Variants in HIP1 observed in about 807,000 individuals in gnomAD.
The protein encoded by HIP1 is huntingtin interacting protein 1.
A neutral mutation model predicts 147.6 loss-of-function variants in HIP1; 65 were observed. The observed-to-expected ratio is 0.44, with a 90% CI of 0.36 to 0.54. The LOEUF (loss-of-function observed/expected upper bound fraction) is 0.54, where lower values mean the gene tolerates loss of function less well. Ranked by LOEUF, HIP1 falls within the 20% of genes least tolerant of loss-of-function variation. The pLI is 0.00. For synonymous variants in HIP1, 479 were observed against 504.0 expected, an observed-to-expected ratio of 0.95 and a Z score of 0.67; for missense variants, 1,061 against 1,299.6, an observed-to-expected ratio of 0.82 and a Z score of 2.82.
intron 2 of HIP1, 137 bp from the exon 3 acceptor site, chr7:75,592,651 G>A: frequency 1.1e-6 from 1 of 883,774 alleles, no homozygotes; most frequent in Non-Finnish European, 1.7e-6. Flanking sequence ...AGCCACTGCA[G>A]GGGACCAAGC....
At chr7:75,670,123 A>G (rs1193328300) in intron 1 of HIP1, among the ~76,000 whole-genome samples, 3 of 29,544 alleles carry the variant, frequency 1.0e-4, no homozygotes, top group African/African-American at 6.1e-4. Context: ...TATTGTGATA[A>G]AATATACATA....
intron 11 of HIP1, 130 bp from the exon 12 acceptor site, chr7:75,562,300 AT>A: frequency 3.2e-6 from 2 of 626,134 alleles, no homozygotes; most frequent in Non-Finnish European, 5.7e-6. Flanking sequence ...AATTTTTTTA[AT>A]TTTTTTGAGA....
At chr7:75,572,662 T>C (rs587605669) in intron 8 of HIP1, among the ~76,000 whole-genome samples, 1 of 152,182 alleles carries the variant, frequency 6.6e-6, no homozygotes, top group East Asian at 1.9e-4. Flanking sequence ...CTCACCCTGC[T>C]GGATGGGGCT....
At chr7:75,540,870 T>TA (rs1463315501) in intron 29 of HIP1, among the ~76,000 whole-genome samples, 1 of 152,202 alleles carries the variant, frequency 6.6e-6, no homozygotes, top group Non-Finnish European at 1.5e-5. Flanking sequence ...ACCAGAAGTC[T>TA]AAAACAGTGT....
intron 1 of HIP1, among the ~76,000 whole-genome samples, chr7:75,634,479 A>C (rs1380282135): frequency 6.6e-6 from 1 of 152,244 alleles, no homozygotes; most frequent in African/African-American, 2.4e-5. Flanking sequence ...TATAGCGCAT[A>C]CTTTGACTGT....
intron 5 of HIP1, among the ~76,000 whole-genome samples, chr7:75,585,783 C>T (rs1404332576): frequency 2.0e-5 from 3 of 152,008 alleles, no homozygotes; most frequent in African/African-American, 7.3e-5. Context: ...CTGCTCGCCT[C>T]CCCCACCTCA....
At chr7:75,679,070 A>G (rs1040983731) in intron 1 of HIP1, among the ~76,000 whole-genome samples, 3 of 151,274 alleles carry the variant, frequency 2.0e-5, no homozygotes, top group Non-Finnish European at 4.4e-5. Flanking sequence ...AAACCAAACC[A>G]TCTTCAACCT....
rs374954577 is a variant in HIP1 at position 75,549,013 on chromosome 7, T to A, written c.2296-12A>T. 5 of 1,582,880 alleles carry A rather than the reference T, an allele frequency of 3.2e-6. No individual in the cohort carries two copies. Among genetic ancestry groups the A allele is most frequent in the Non-Finnish European group, 8.7e-7 (1 of 1,151,696 alleles). ...CTGGGCAGGAGCTCCTGTGAACACA[T>A]CACAAAGGCTGAACTGACCTTGGGG... On this transcript the variant is annotated splice_polypyrimidine_tract_variant and intron_variant, in intron 22 of 30. Coordinates refer to ENST00000336926, the MANE Select transcript of HIP1 (RefSeq NM_005338.7).
chr7:75,705,429 G>GC (rs1200819647), intron 1 of HIP1, among the ~76,000 whole-genome samples: 2 of 150,506 alleles, frequency 1.3e-5, no homozygotes, highest in Admixed American at 1.3e-4. Flanking sequence ...GTACAGTGGC[G>GC]CAATCTCGGC....
At chr7:75,686,843 CTTTTTTTTTT>C (rs55942242) in intron 1 of HIP1, among the ~76,000 whole-genome samples, 4 of 80,140 alleles carry the variant, frequency 5.0e-5, no homozygotes, top group Admixed American at 1.7e-4. Flanking sequence ...TATTTTAGTT[CTTTTTTTTTT>C]TTTTTTTTTT....
intron 1 of HIP1, among the ~76,000 whole-genome samples, chr7:75,612,579 C>T (rs997446138): frequency 3.3e-5 from 5 of 151,702 alleles, no homozygotes; most frequent in African/African-American, 7.3e-5. Flanking sequence ...GAGGCCGAGG[C>T]GGGTGGATCA....
rs141364549 is a variant in HIP1 at position 75,726,110 on chromosome 7, C to G, written c.120+12691G>C. ...CTGCCTGCCTTGTTATCACAAACTG[C>G]TAGGATTGCAGGCGTGAGCCACCGC... On this transcript the variant is annotated intron_variant, in intron 1 of 30. Coordinates refer to ENST00000336926, the MANE Select transcript of HIP1 (RefSeq NM_005338.7). 7.5e-3 allele frequency among the ~76,000 whole-genome samples: 1,146 copies of G among 152,258 alleles called. 15 individuals carry two copies. The highest frequency in any genetic ancestry group is 0.026 in the African/African-American group (1,097 of 41,536).
At position 75,538,134 on chromosome 7, in the gene HIP1, C is replaced by A. The variant is rs1554489135; in HGVS notation, c.*38G>T. 2 of 1,557,682 alleles carry A rather than the reference C, an allele frequency of 1.3e-6. No homozygotes were observed. Among genetic ancestry groups the A allele is most frequent in the South Asian group, 2.2e-5 (2 of 89,928 alleles). On this transcript the variant is annotated 3_prime_UTR_variant, in exon 31 of 31. Coordinates refer to ENST00000336926, the MANE Select transcript of HIP1 (RefSeq NM_005338.7). ...GAAATAACACACACGAGATAGGTAA[C>A]AAGGATTTACACTGACATATGGGGT...
chr7:75,668,104 TTG>T (rs376230709), intron 1 of HIP1, among the ~76,000 whole-genome samples: 86,203 of 151,792 alleles, frequency 0.57, 24,929 homozygotes, highest in African/African-American at 0.66. Context: ...GCCATGACCT[TTG>T]CTAACTCGCA....
At chr7:75,589,598 G>A (rs151020915) in intron 4 of HIP1, among the ~76,000 whole-genome samples, 6 of 137,356 alleles carry the variant, frequency 4.4e-5, no homozygotes, top group African/African-American at 1.7e-4. Flanking sequence ...CAGGAGAATC[G>A]CTTCAACCTG....
intron 1 of HIP1, among the ~76,000 whole-genome samples, chr7:75,723,488 G>A (rs1010381313): frequency 4.6e-5 from 7 of 152,134 alleles, no homozygotes; most frequent in Non-Finnish European, 8.8e-5. Flanking sequence ...CTTCTGTCCT[G>A]GAGGGCCTGG....
intron 2 of HIP1, among the ~76,000 whole-genome samples, chr7:75,594,056 C>T (rs1251061470): frequency 1.3e-5 from 2 of 151,724 alleles, no homozygotes; most frequent in Admixed American, 1.3e-4. Context: ...CTGAGGCGGG[C>T]GGATCACCTG....
At chr7:75,656,472 T>C (rs1028911256) in intron 1 of HIP1, among the ~76,000 whole-genome samples, 9 of 151,812 alleles carry the variant, frequency 5.9e-5, no homozygotes, top group Non-Finnish European at 1.3e-4. Context: ...AACTTTAGTA[T>C]TGAGAAGATC....
At chr7:75,721,567 T>C (rs1162365328) in intron 1 of HIP1, among the ~76,000 whole-genome samples, 1 of 151,962 alleles carries the variant, frequency 6.6e-6, no homozygotes, top group Non-Finnish European at 1.5e-5. Context: ...ATTATTTTTG[T>C]TATATGCTAC....
Sources: gnomAD v4.1 joint callset for allele counts (sites outside exome capture counted in the v4.1 genomes callset) on GRCh38, gnomAD v4.1.1 for gene constraint, MANE v1.5 for transcripts, NCBI Gene and HGNC (gene_info 2026-07-23, HGNC 2026-07-21) for gene names.